SMOC2: variants seen among roughly 807,000 people sequenced by gnomAD.
SMOC2 encodes the protein SPARC-related modular calcium-binding protein 2.
SMOC2 carries 39 observed loss-of-function variants against 61.4 expected under a neutral mutation model. The observed-to-expected ratio is 0.64, with a 90% CI of 0.49 to 0.83. SMOC2 has a LOEUF of 0.83. Among genes scored for constraint, SMOC2 ranks in the 40% least tolerant of loss-of-function variants. The pLI, the probability that SMOC2 is intolerant of heterozygous loss-of-function variation, is 0.00. For synonymous variants in SMOC2, 247 were observed against 239.9 expected (o/e 1.03, Z -0.27); for missense variants, 556 against 592.9 (o/e 0.94, Z 0.65).
At chr6:168,500,569 C>T (rs1782703972) in intron 1 of SMOC2, among the ~76,000 whole-genome samples, 1 of 152,122 alleles carries the variant, frequency 6.6e-6, no homozygotes, top group Non-Finnish European at 1.5e-5. Flanking sequence ...GGCCCTGCTA[C>T]TTGCCCCGGT....
chr6:168,664,190 G>A (rs996952480), intron 12 of SMOC2, 79 bp downstream of exon 12: 6 of 1,127,184 alleles, frequency 5.3e-6, no homozygotes, highest in Non-Finnish European at 7.9e-6. Flanking sequence ...ATGTAGATTT[G>A]CAATGGCCAG....
chr6:168,560,518 GCGTTCT>G (rs1562348224), intron 7 of SMOC2, among the ~76,000 whole-genome samples: 12 of 145,374 alleles, frequency 8.3e-5, no homozygotes, highest in Non-Finnish European at 7.7e-5. Flanking sequence ...GGCTCTCACT[GCGTTCT>G]TGGAGGAGGT....
intron 1 of SMOC2, among the ~76,000 whole-genome samples, chr6:168,508,294 A>G (rs1464895738): frequency 1.3e-5 from 2 of 152,222 alleles, no homozygotes; most frequent in African/African-American, 2.4e-5. Flanking sequence ...CTGCCCATCA[A>G]GGTCACCGTA....
chr6:168,453,897 T>C lies in SMOC2; in HGVS notation c.84+12443T>C, dbSNP rs2114996057. On this transcript the variant is annotated intron_variant, in intron 1 of 12. Transcript: ENST00000356284. The surrounding 1 kb of genome is among the most constrained non-coding windows in gnomAD (Gnocchi z 4.4). ...CTCCATCTCTGTCTCTCTATCTCTCTTTCTCTCTGTCTTCCTCTCTCTCTG... is the reference window on the plus strand; with the variant it reads ...CTCCATCTCTGTCTCTCTATCTCTCCTTCTCTCTGTCTTCCTCTCTCTCTG... Among the ~76,000 whole-genome samples the C allele has an allele frequency of 6.6e-6, 1 of 151,886 alleles. No individual in the cohort carries two copies. The highest frequency in any genetic ancestry group is 6.6e-5 in the Admixed American group (1 of 15,260).
intron 7 of SMOC2, among the ~76,000 whole-genome samples, chr6:168,579,161 C>T (rs874001): frequency 0.35 from 53,565 of 152,170 alleles, 9,533 homozygotes; most frequent in Middle Eastern, 0.41. Flanking sequence ...CACACTGTGT[C>T]CTGTTCCCCT....
rs747621290 is a variant in SMOC2, at chr6:168,638,694, G to A, written c.908-11987G>A. On this transcript the variant is annotated intron_variant, in intron 9 of 12. Coordinates refer to ENST00000356284, the MANE Select transcript of SMOC2 (RefSeq NM_001166412.2). ...CTTCCTAACTGAAAAGACTGCGAAG[G>A]TGCCCCGGGCTGGGGGCCTGGGGTG... Among the ~76,000 whole-genome samples the A allele has an allele frequency of 6.2e-4, 95 of 152,168 alleles. 1 individual carries two copies. Among genetic ancestry groups the A allele is most frequent in the South Asian group, 2.1e-4 (1 of 4,814 alleles).
intron 1 of SMOC2, among the ~76,000 whole-genome samples, chr6:168,447,472 T>C (rs560851169): frequency 1.3e-5 from 2 of 152,324 alleles, no homozygotes; most frequent in East Asian, 3.9e-4. Context: ...TTCTAGTTTC[T>C]GTTCCTCACA....
chr6:168,457,965 C>A (rs1039896902), intron 1 of SMOC2, among the ~76,000 whole-genome samples: 1 of 152,148 alleles, frequency 6.6e-6, no homozygotes, highest in African/African-American at 2.4e-5. Context: ...GCCGGTCTTT[C>A]CCACCTGCCA....
At chr6:168,656,223 C>T (rs1169094520) in intron 11 of SMOC2, among the ~76,000 whole-genome samples, 2 of 152,040 alleles carry the variant, frequency 1.3e-5, no homozygotes, top group Admixed American at 6.6e-5. Context: ...TCTTTAAAAT[C>T]CTCCTGGCAA....
chr6:168,599,161 ACC>A (rs1785418545), intron 8 of SMOC2, among the ~76,000 whole-genome samples, 157 bp downstream of exon 8: 1 of 140,210 alleles, frequency 7.1e-6, no homozygotes, highest in Non-Finnish European at 1.6e-5. Flanking sequence ...ACCCACACAC[ACC>A]CACGCTCTCA....
chr6:168,653,070 A>T lies in SMOC2; in HGVS notation c.1127A>T (p.Lys376Met). Residue 376 changes from lysine to methionine, a missense_variant, in exon 11 of 13, where the codon AAG becomes ATG. Transcript: ENST00000356284. ...GGCAAAAAGGAAATCAAACCCTTCA[A>T]GAGGTTCCTTCGCAAAAAATCAAAG... ...DIGKKEIKPFKRFLRKKSKPK... is the reference protein window; with the variant it reads ...DIGKKEIKPFMRFLRKKSKPK... The T allele has an allele frequency of 6.2e-7, 1 of 1,614,206 alleles. No homozygotes were observed. The highest frequency in any genetic ancestry group is 8.5e-7 in the Non-Finnish European group (1 of 1,180,026).
intron 1 of SMOC2, among the ~76,000 whole-genome samples, chr6:168,470,727 G>C (rs1375329757): frequency 6.6e-6 from 1 of 151,818 alleles, no homozygotes; most frequent in Non-Finnish European, 1.5e-5. Flanking sequence ...AATAAACTGG[G>C]TATCCTGTGA....
At chr6:168,636,869 C>T (rs1226597974) in intron 9 of SMOC2, among the ~76,000 whole-genome samples, 32 of 136,516 alleles carry the variant, frequency 2.3e-4, no homozygotes, top group African/African-American at 8.8e-4. Flanking sequence ...CTCCCGCCTC[C>T]CTCCTCCCGC....
intron 8 of SMOC2, among the ~76,000 whole-genome samples, chr6:168,607,587 T>G (rs770702749): frequency 0.18 from 24,884 of 142,026 alleles, 2,217 homozygotes; most frequent in Middle Eastern, 0.31. Context: ...AGAGAGTCGT[T>G]TTTTTTTTTT....
At chr6:168,474,166 C>T (rs977206456) in intron 1 of SMOC2, among the ~76,000 whole-genome samples, 2 of 152,064 alleles carry the variant, frequency 1.3e-5, no homozygotes, top group African/African-American at 2.4e-5. Context: ...GGAAAGCCCC[C>T]TGGGGAAGGA....
At chr6:168,634,087 G>A (rs1031316390) in intron 9 of SMOC2, among the ~76,000 whole-genome samples, 21 of 152,168 alleles carry the variant, frequency 1.4e-4, no homozygotes, top group African/African-American at 4.8e-4. Context: ...ATGGGGAACC[G>A]TGAGTCCATT....
intron 7 of SMOC2, among the ~76,000 whole-genome samples, chr6:168,595,894 G>C (rs967115037): frequency 2.6e-5 from 4 of 152,216 alleles, no homozygotes; most frequent in African/African-American, 7.2e-5. Flanking sequence ...AATTTCTATA[G>C]ATGCAGTATG....
At chr6:168,457,706 C>T (rs1205853590) in intron 1 of SMOC2, among the ~76,000 whole-genome samples, 1 of 152,190 alleles carries the variant, frequency 6.6e-6, no homozygotes, top group Non-Finnish European at 1.5e-5. Context: ...GTGCCGCCTC[C>T]TCTCTGGGGC....
intron 7 of SMOC2, among the ~76,000 whole-genome samples, chr6:168,575,276 C>T (rs528956549): frequency 1.3e-5 from 2 of 152,316 alleles, no homozygotes; most frequent in African/African-American, 4.8e-5. Flanking sequence ...AAAGTGAGCA[C>T]TCAACATGCA....
Sources: gnomAD v4.1 joint callset for allele counts (sites outside exome capture counted in the v4.1 genomes callset) on GRCh38, gnomAD v4.1.1 for gene constraint, Gnocchi (gnomAD v3.1) non-coding constraint, MANE v1.5 for transcripts, NCBI Gene and HGNC (gene_info 2026-07-23, HGNC 2026-07-21) for gene names.